Variants in LSG1 observed in about 807,000 individuals in gnomAD.
LSG1 encodes the protein large 60S subunit nuclear export GTPase 1, also known as large subunit GTPase 1 homolog.
Under a neutral mutation model 82.6 loss-of-function variants are expected in LSG1, and 55 were observed. The ratio of observed to expected loss-of-function variants is 0.67; its 90% CI spans 0.54 to 0.83. The LOEUF (loss-of-function observed/expected upper bound fraction) is 0.83. Ranked by LOEUF, LSG1 falls within the 40% of genes least tolerant of loss-of-function variation. The probability of loss-of-function intolerance (pLI) is 0.00; values close to 1 mark genes in which losing one functional copy is unlikely to be tolerated. For synonymous variants in LSG1, 272 were observed against 282.5 expected (o/e 0.96, Z 0.37); for missense variants, 809 against 807.9 (o/e 1.00, Z -0.02).
Position 194,644,585 on chromosome 3 carries a change from A to G in LSG1, c.1785T>C (p.Thr595=), listed in dbSNP as rs1244073659. The change falls in exon 13 of 14, where the codon ACT becomes ACC. Residue 595 remains threonine (T), a synonymous_variant. Coordinates refer to ENST00000265245, the MANE Select transcript of LSG1 (RefSeq NM_018385.3). ...AKQIENIVDK[T]FFHQENVRAL... ...CTTTAAAACTTACTTGATGGAAAAA[A>G]GTTTTGTCAACGATATTTTCAATCT... 1 of 1,609,988 alleles carries G rather than the reference A, an allele frequency of 6.2e-7. No individual in the cohort carries two copies. Among genetic ancestry groups the G allele is most frequent in the Non-Finnish European group, 8.5e-7 (1 of 1,178,826 alleles).
intron 11 of LSG1, among the ~76,000 whole-genome samples, chr3:194,646,917 T>A (rs1222493232): frequency 6.6e-6 from 1 of 152,218 alleles, no homozygotes; most frequent in Non-Finnish European, 1.5e-5. Flanking sequence ...GAAGTTTTCT[T>A]ACTGAATGAT....
At chr3:194,670,219 T>C in intron 1 of LSG1, 84 bp from the exon 2 acceptor site, 4 of 1,465,442 alleles carry the variant, frequency 2.7e-6, no homozygotes, top group Non-Finnish European at 3.8e-6. Context: ...TTGCAACTAG[T>C]CTATGGTCTT....
chr3:194,660,020 C>A, intron 6 of LSG1, 53 bp downstream of exon 6: 1 of 1,446,128 alleles, frequency 6.9e-7, no homozygotes, highest in Non-Finnish European at 9.7e-7. Context: ...GGATGCGGTG[C>A]TGGCACTGCT....
intron 5 of LSG1, chr3:194,660,710 A>G (rs558421704): frequency 9.4e-6 from 3 of 318,158 alleles, no homozygotes; most frequent in Non-Finnish European, 1.9e-5. Flanking sequence ...ATGTGTTTAA[A>G]TGGCAAAAAG....
At chr3:194,669,541 T>A (rs1719101087) in intron 2 of LSG1, among the ~76,000 whole-genome samples, 1 of 152,212 alleles carries the variant, frequency 6.6e-6, no homozygotes, top group South Asian at 2.1e-4. Flanking sequence ...CTAGCCATTT[T>A]CTGAACAAAG....
At chr3:194,671,958 C>T in intron 1 of LSG1, 106 bp downstream of exon 1, 1 of 1,022,776 alleles carries the variant, frequency 9.8e-7, no homozygotes. Flanking sequence ...CCTTCAAAAC[C>T]CGGCTGAGGC....
At chr3:194,667,410 C>T (rs1339027004) in intron 2 of LSG1, among the ~76,000 whole-genome samples, 1 of 152,134 alleles carries the variant, frequency 6.6e-6, no homozygotes, top group Non-Finnish European at 1.5e-5. Context: ...TCCCTCTCTA[C>T]TGTCTCACCC....
chr3:194,657,004 C>G (rs1705994), intron 7 of LSG1, among the ~76,000 whole-genome samples: 93,359 of 151,530 alleles, frequency 0.62, 30,277 homozygotes, highest in East Asian at 0.87. Context: ...GTTGTGGGGT[C>G]GGGGGAGAGG....
At chr3:194,649,797 G>A (rs1453795372) in intron 10 of LSG1, among the ~76,000 whole-genome samples, 1 of 152,088 alleles carries the variant, frequency 6.6e-6, no homozygotes, top group Non-Finnish European at 1.5e-5. Flanking sequence ...ACAAGCCAGC[G>A]GATTAGTGTG....
At chr3:194,654,447 T>C (rs1432986704) in intron 7 of LSG1, among the ~76,000 whole-genome samples, 1 of 152,184 alleles carries the variant, frequency 6.6e-6, no homozygotes, top group African/African-American at 2.4e-5. Flanking sequence ...AACTCAAACA[T>C]GTATCCTAAA....
rs747702899 is a variant in LSG1 at position 194,652,847 on chromosome 3, G to A, written c.1055C>T (p.Pro352Leu). ...ADSEARSRKT[P>L]QKRQIHNFSH... ...AAAATTGTGTATCTGCCTCTTCTGT[G>A]GGGTTTTCCTGCTCCGAGCCTCAGA... is the stretch of plus-strand genomic sequence containing the variant. The change falls in exon 8 of 14, where the codon CCA becomes CTA. Residue 352 changes from proline to leucine, a missense_variant. Pro to Leu is a moderately conservative substitution (Grantham distance 98). Transcript: ENST00000265245. 2 of 1,614,096 alleles carry A rather than the reference G, an allele frequency of 1.2e-6. No individual in the cohort carries two copies. Among genetic ancestry groups the A allele is most frequent in the East Asian group, 2.2e-5 (1 of 44,876 alleles).
At chr3:194,671,814 T>C (rs538065192) in intron 1 of LSG1, 53 of 537,890 alleles carry the variant, frequency 9.9e-5, no homozygotes, top group South Asian at 3.2e-4. Context: ...AGACCTGGCA[T>C]TGAAGACTCT....
chr3:194,643,286 G>A (rs1217817938), intron 13 of LSG1, among the ~76,000 whole-genome samples: 1 of 152,202 alleles, frequency 6.6e-6, no homozygotes, highest in African/African-American at 2.4e-5. Context: ...ATCACCAAAT[G>A]TGTTGGCTCA....
chr3:194,654,982 G>C (rs1000664965), intron 7 of LSG1, among the ~76,000 whole-genome samples: 1 of 152,266 alleles, frequency 6.6e-6, no homozygotes, highest in African/African-American at 2.4e-5. Context: ...CAAGAAAACA[G>C]TGAATATCAG....
intron 5 of LSG1, among the ~76,000 whole-genome samples, chr3:194,660,436 C>T (rs1005737656): frequency 3.9e-5 from 6 of 152,204 alleles, no homozygotes; most frequent in South Asian, 4.1e-4. Context: ...TAGAGGGGTT[C>T]GGATGATGTT....
chr3:194,644,383 A>AAAAAT lies in LSG1; in HGVS notation c.1797+189_1797+190insATTTT, dbSNP rs1553844931. Among the ~76,000 whole-genome samples the AAAAAT allele has an allele frequency of 2.0e-4, 26 of 132,934 alleles. 3 individuals carry two copies. Among genetic ancestry groups the AAAAAT allele is most frequent in the African/African-American group, 6.5e-4 (22 of 33,948 alleles). 87.2% of individuals were successfully genotyped at this position (132,934 alleles called of 152,430 possible). ...GACTCCGTCTCAAAAAAAAAAAATA[A>AAAAAT]AAATAAATAAATAAATAAATAAATA... On this transcript the variant is annotated intron_variant, in intron 13 of 13. Coordinates refer to ENST00000265245, the MANE Select transcript of LSG1 (RefSeq NM_018385.3).
intron 2 of LSG1, 52 bp from the exon 3 acceptor site, chr3:194,666,624 G>C (rs774973806): frequency 6.7e-7 from 1 of 1,496,096 alleles, no homozygotes; most frequent in African/African-American, 1.4e-5. Flanking sequence ...TAGATACAGA[G>C]TGTTTGGTCA....
Sources: gnomAD v4.1 joint callset for allele counts (sites outside exome capture counted in the v4.1 genomes callset) on GRCh38, gnomAD v4.1.1 for gene constraint, MANE v1.5 for transcripts, NCBI Gene and HGNC (gene_info 2026-07-23, HGNC 2026-07-21) for gene names.